COP1: variants seen among roughly 807,000 people sequenced by gnomAD.
COP1 encodes E3 ubiquitin-protein ligase COP1.
Under a neutral mutation model 101.3 loss-of-function variants are expected in COP1, and 24 were observed. The observed-to-expected ratio is 0.24, with a 90% CI of 0.17 to 0.33. The LOEUF is 0.33. Among genes scored for constraint, COP1 ranks in the 10% least tolerant of loss-of-function variants. The probability of loss-of-function intolerance (pLI) is 1.00; values close to 1 mark genes in which losing one functional copy is unlikely to be tolerated. For synonymous variants in COP1, 347 were observed against 341.9 expected (o/e 1.01, Z -0.17); for missense variants, 663 against 906.2 (o/e 0.73, Z 3.45).
intron 2 of COP1, 134 bp downstream of exon 2, chr1:176,184,497 CAA>C (rs1413309468): frequency 4.5e-6 from 3 of 667,732 alleles, no homozygotes; most frequent in African/African-American, 1.8e-5. Flanking sequence ...GCCACATCTA[CAA>C]AGACATGTCA....
At chr1:176,138,746 G>A (rs1690184640) in intron 6 of COP1, among the ~76,000 whole-genome samples, 1 of 152,000 alleles carries the variant, frequency 6.6e-6, no homozygotes, top group African/African-American at 2.4e-5. Context: ...CTCATACCAA[G>A]CAGCCAAATC....
rs1354060725 is a variant in COP1 at position 176,207,169 on chromosome 1, A to C, written c.-191T>G. The C allele has an allele frequency of 9.1e-6, 4 of 437,500 alleles. No homozygotes were observed. The highest frequency in any genetic ancestry group is 6.1e-5 in the African/African-American group (3 of 48,880). The allele number at this position is 437,500 out of a possible 1,614,324, so 27.1% of individuals were successfully genotyped here. A position where few individuals can be genotyped will look rare whatever the true frequency, so the allele number is the denominator to read the frequency against. On this transcript the variant is annotated 5_prime_UTR_variant, in exon 1 of 20. Transcript: ENST00000367669. The stretch of plus-strand genomic sequence containing the variant: ...AACAGCGTCCCACGGGAGGGGGCGG[A>C]GGAAACTAAAAAAGCGGAGTAGAAG...
rs61612244 is a variant in COP1 at position 176,042,647 on chromosome 1, C to T, written c.1612+539G>A. Among the ~76,000 whole-genome samples, 857 of 145,636 alleles carry T rather than the reference C, an allele frequency of 5.9e-3. 12 individuals carry two copies. The highest frequency in any genetic ancestry group is 0.021 in the African/African-American group (806 of 39,220). On this transcript the variant is annotated intron_variant, in intron 14 of 19. Coordinates refer to ENST00000367669, the MANE Select transcript of COP1 (RefSeq NM_022457.7). ...ATGGGAGGCTGAGGTAGGAGAATTGCTTGAACGCAGGAGGTGGAGGTTGCA... is the reference window on the plus strand; with the variant it reads ...ATGGGAGGCTGAGGTAGGAGAATTGTTTGAACGCAGGAGGTGGAGGTTGCA...
At chr1:175,991,901 A>C (rs1157572440) in intron 15 of COP1, among the ~76,000 whole-genome samples, 1 of 152,136 alleles carries the variant, frequency 6.6e-6, no homozygotes, top group African/African-American at 2.4e-5. Flanking sequence ...CTTTTTCTGG[A>C]ATGTCTCCTG....
At chr1:176,180,175 A>C (rs1259412695) in intron 2 of COP1, among the ~76,000 whole-genome samples, 1 of 152,124 alleles carries the variant, frequency 6.6e-6, no homozygotes, top group Non-Finnish European at 1.5e-5. Context: ...GATTTGTTTT[A>C]CCCTCTGTAC....
chr1:176,164,266 A>T (rs541999658), intron 3 of COP1, among the ~76,000 whole-genome samples: 1 of 152,300 alleles, frequency 6.6e-6, no homozygotes, highest in Non-Finnish European at 1.5e-5. Flanking sequence ...AGTACTAAAG[A>T]CTTGCATTTG....
Position 176,135,115 on chromosome 1 carries a change from A to G in COP1, c.892-29T>C, listed in dbSNP as rs755799951. ...AAAATAAAATTATTTGAATTATAGT[A>G]GATATTTCAAATAGAAGATATATAA... On this transcript the variant is annotated intron_variant, in intron 7 of 19. Coordinates refer to ENST00000367669, the MANE Select transcript of COP1 (RefSeq NM_022457.7). 13 of 1,379,290 alleles carry G rather than the reference A, an allele frequency of 9.4e-6. No individual in the cohort carries two copies. The South Asian group carries it at 1.6e-4, about 17-fold the overall frequency. 85.4% of individuals were successfully genotyped at this position (1,379,290 alleles called of 1,614,324 possible).
At chr1:176,117,538 A>G (rs961322468) in intron 8 of COP1, among the ~76,000 whole-genome samples, 9 of 152,210 alleles carry the variant, frequency 5.9e-5, no homozygotes, top group African/African-American at 1.9e-4. Context: ...ATCACATGAC[A>G]TACATACCAA....
rs374680107 is a variant in COP1, at chr1:176,110,634, G to T, written c.1026+5990C>A. 3.9e-5 allele frequency among the ~76,000 whole-genome samples: 6 copies of T among 152,072 alleles called. No homozygotes were observed. In the East Asian group the frequency reaches 1.2e-3, roughly 29 times the overall value. On this transcript the variant is annotated intron_variant, in intron 9 of 19. Transcript: ENST00000367669. ...GTCCTCAGAGCCTAGTAAATATGAG[G>T]TATGTTTAAAACAAAAAACAAAAAA... is the stretch of plus-strand genomic sequence containing the variant.
intron 1 of COP1, 68 bp downstream of exon 1, chr1:176,206,504 C>G (rs753634516): frequency 1.1e-4 from 177 of 1,571,122 alleles, no homozygotes; most frequent in Non-Finnish European, 1.5e-4. Context: ...ACCAGACCCC[C>G]CGCCCCCAAG....
intron 1 of COP1, among the ~76,000 whole-genome samples, chr1:176,187,623 T>G (rs545331329): frequency 1.4e-4 from 22 of 152,308 alleles, no homozygotes; most frequent in African/African-American, 5.3e-4. Context: ...AGCTATGCCA[T>G]CTACAGCTTT....
intron 9 of COP1, among the ~76,000 whole-genome samples, chr1:176,106,712 A>G (rs1684376176): frequency 6.6e-6 from 1 of 152,262 alleles, no homozygotes; most frequent in South Asian, 2.1e-4. Context: ...CAACCCACCA[A>G]GTTGTCCTTA....
chr1:176,174,248 C>CT (rs1237962691), intron 3 of COP1, among the ~76,000 whole-genome samples: 1 of 152,056 alleles, frequency 6.6e-6, no homozygotes, highest in Non-Finnish European at 1.5e-5. Context: ...AAAGTTATGA[C>CT]TACAGAAAAA....
intron 6 of COP1, among the ~76,000 whole-genome samples, chr1:176,146,538 C>T (rs893936905): frequency 5.3e-5 from 8 of 152,154 alleles, no homozygotes; most frequent in African/African-American, 1.9e-4. Flanking sequence ...AGCCAGCTGC[C>T]ATGTAGTGAG....
At chr1:176,112,425 T>A (rs1646582336) in intron 9 of COP1, among the ~76,000 whole-genome samples, 2 of 152,200 alleles carry the variant, frequency 1.3e-5, no homozygotes, top group Non-Finnish European at 2.9e-5. Flanking sequence ...CAATTTCTTT[T>A]TAGAAAAGTT....
chr1:176,043,334 A>G, intron 13 of COP1, 67 bp from the exon 14 acceptor site: 1 of 936,868 alleles, frequency 1.1e-6, no homozygotes, highest in East Asian at 2.4e-5. Flanking sequence ...AAGCAAGAAA[A>G]AAAAAAACCT....
chr1:176,122,574 C>G (rs1471886294), intron 8 of COP1, among the ~76,000 whole-genome samples: 1 of 152,186 alleles, frequency 6.6e-6, no homozygotes, highest in Non-Finnish European at 1.5e-5. Context: ...ATTCTTCAAA[C>G]AACAGACGCT....
At chr1:176,067,526 C>G (rs994532350) in intron 11 of COP1, among the ~76,000 whole-genome samples, 3 of 152,142 alleles carry the variant, frequency 2.0e-5, no homozygotes, top group African/African-American at 7.2e-5. Context: ...CAGAATTTGG[C>G]TGGGACGGTT....
rs571081576 is a variant in COP1 at position 176,176,826 on chromosome 1, G to T, written c.468-819C>A. ...CTGTCTGAAAAAAAGAGAAAAAAAA[G>T]ACAAAAGAAAATAATGTCATAGTTA... On this transcript the variant is annotated intron_variant, in intron 2 of 19. Coordinates refer to ENST00000367669, the MANE Select transcript of COP1 (RefSeq NM_022457.7). Among the ~76,000 whole-genome samples, 5 of 148,592 alleles carry T rather than the reference G, an allele frequency of 3.4e-5. No individual in the cohort carries two copies. The East Asian group carries it at 8.0e-4, about 24-fold the overall frequency.
Sources: allele counts gnomAD v4.1 joint callset (sites outside exome capture counted in the v4.1 genomes callset), GRCh38; gene constraint gnomAD v4.1.1; transcripts MANE v1.5; gene names NCBI Gene and HGNC (gene_info 2026-07-23, HGNC 2026-07-21).